The following SEC24B variants were observed in gnomAD, a reference collection of about 807,000 sequenced individuals.
SEC24B encodes the protein protein transport protein Sec24B.
In SEC24B, 45 loss-of-function variants were observed where a neutral mutation model predicts 142.8. The observed-to-expected ratio is 0.32, with a 90% CI of 0.25 to 0.40. SEC24B has a LOEUF of 0.40. Ranked by LOEUF, SEC24B falls within the 10% of genes least tolerant of loss-of-function variation. The probability of loss-of-function intolerance (pLI) is 1.00; values close to 1 mark genes in which losing one functional copy is unlikely to be tolerated. For missense variants in SEC24B, 1,409 were observed against 1,526.8 expected (o/e 0.92, Z 1.29); for synonymous variants, 574 against 568.2 (o/e 1.01, Z -0.15).
intron 2 of SEC24B, among the ~76,000 whole-genome samples, chr4:109,469,421 A>G (rs984591446): frequency 3.9e-5 from 6 of 152,350 alleles, no homozygotes; most frequent in Non-Finnish European, 7.3e-5. Flanking sequence ...TGCTATCCTC[A>G]TAAAGTTTGC....
rs540284205 is a variant in SEC24B, at chr4:109,465,235, G to T, written c.877+1591G>T. On this transcript the variant is annotated intron_variant, in intron 2 of 23. Coordinates refer to ENST00000265175, the MANE Select transcript of SEC24B (RefSeq NM_006323.5). The stretch of plus-strand genomic sequence containing the variant: ...ACTGACTTGGGTGAGTCAACTCAAA[G>T]TGTCTGTCACAGTTCCGAAATCTGG... Among the ~76,000 whole-genome samples, 3 of 152,310 alleles carry T rather than the reference G, an allele frequency of 2.0e-5. No individual in the cohort carries two copies. The South Asian group carries it at 6.2e-4, about 32-fold the overall frequency.
rs950744561 is a variant in SEC24B, at chr4:109,520,459, A to C, written c.2220A>C (p.Gln740His). The change falls in exon 12 of 24, where the codon CAA becomes CAC. Residue 740 changes from glutamine to histidine, a missense_variant. Physicochemically the swap from Gln to His is conservative, Grantham distance 24 (BLOSUM62 0). This residue lies in a region of SEC24B where 700 missense variants were observed against 853.3 expected (regional missense o/e 0.82). Transcript: ENST00000265175. ...TACAAGAAGGATTATCACAGCCTCA[A>C]ATGTTGATTGTGTCTGATATAGATG... is the stretch of plus-strand genomic sequence containing the variant. ...YNLQEGLSQP[Q>H]MLIVSDIDDV... 1 of 1,605,600 alleles carries C rather than the reference A, an allele frequency of 6.2e-7. No individual in the cohort carries two copies. The highest frequency in any genetic ancestry group is 8.5e-7 in the Non-Finnish European group (1 of 1,172,486).
In SEC24B at chr4:109,481,775, G is replaced by A; in HGVS notation, c.1159G>A (p.Glu387Lys). The change falls in exon 4 of 24, where the codon GAA becomes AAA. Residue 387 changes from glutamate to lysine, a missense_variant. Around this residue, in one of 2 missense-constraint regions of SEC24B, gnomAD observed 709 missense variants for 673.5 expected, o/e 1.05. Coordinates refer to ENST00000265175, the MANE Select transcript of SEC24B (RefSeq NM_006323.5). ...TGAGGAAGAGGAGGAGGAGGATGAG[G>A]AAGCAGGTCTGCTTTAGCTTTACAC... is the stretch of plus-strand genomic sequence containing the variant. ...DDEEEEEEDE[E>K]AGVDSSSTTS... The A allele has an allele frequency of 1.2e-6, 2 of 1,613,022 alleles. No homozygotes were observed. Among genetic ancestry groups the A allele is most frequent in the Non-Finnish European group, 8.5e-7 (1 of 1,179,152 alleles).
chr4:109,511,857 C>A, intron 8 of SEC24B, 100 bp from the exon 9 acceptor site: 1 of 1,198,584 alleles, frequency 8.3e-7, no homozygotes, highest in Non-Finnish European at 1.2e-6. Flanking sequence ...CACATAAAAA[C>A]AATTAAGGTT....
intron 3 of SEC24B, among the ~76,000 whole-genome samples, chr4:109,480,837 T>C (rs1392615998): frequency 1.3e-5 from 2 of 152,224 alleles, no homozygotes; most frequent in African/African-American, 4.8e-5. Flanking sequence ...ATATGTTAAT[T>C]TTTAAAGTCC....
chr4:109,481,616 A>T, intron 3 of SEC24B, 61 bp from the exon 4 acceptor site: 1 of 1,218,408 alleles, frequency 8.2e-7, no homozygotes. Flanking sequence ...GCAATGTCAA[A>T]TTTTTATTTC....
chr4:109,519,751 A>G (rs1341591739), intron 11 of SEC24B, among the ~76,000 whole-genome samples: 1 of 152,260 alleles, frequency 6.6e-6, no homozygotes, highest in Non-Finnish European at 1.5e-5. Context: ...TCAGTCATCC[A>G]TAGCAGTGAT....
In SEC24B at chr4:109,483,056, T is replaced by TTA. The variant is rs1271937576; in HGVS notation, c.1165+1291_1165+1292dup. The stretch of plus-strand genomic sequence containing the variant: ...TATTTATATATATGTATTTATGTAT[T>TTA]TATATATATATATATATGTATGTAT... On this transcript the variant is annotated intron_variant, in intron 4 of 23. Transcript: ENST00000265175. Among the ~76,000 whole-genome samples the TTA allele has an allele frequency of 2.3e-3, 223 of 97,884 alleles. 2 individuals are homozygous for TTA. The highest frequency in any genetic ancestry group is 8.5e-3 in the Middle Eastern group (2 of 236). 64.2% of individuals were successfully genotyped at this position (97,884 alleles called of 152,430 possible).
chr4:109,437,647 C>T (rs1034038199), intron 1 of SEC24B, among the ~76,000 whole-genome samples: 9 of 152,090 alleles, frequency 5.9e-5, no homozygotes, highest in African/African-American at 1.4e-4. Context: ...TTGTTTGAGA[C>T]GGAGTCTCGC....
At chr4:109,518,037 A>G (rs1295512423) in intron 11 of SEC24B, among the ~76,000 whole-genome samples, 2 of 151,856 alleles carry the variant, frequency 1.3e-5, no homozygotes. Flanking sequence ...GCGCGATCTC[A>G]GCTCACTGCA....
intron 8 of SEC24B, 53 bp downstream of exon 8, chr4:109,510,164 A>C: frequency 2.3e-6 from 2 of 864,314 alleles, no homozygotes; most frequent in Non-Finnish European, 3.5e-6. Context: ...GCTTATGTAC[A>C]AGGTACTTAA....
At chr4:109,475,990 CTTT>C (rs35172512) in intron 3 of SEC24B, among the ~76,000 whole-genome samples, 7 of 134,664 alleles carry the variant, frequency 5.2e-5, no homozygotes, top group East Asian at 2.1e-4. Flanking sequence ...TTCTCTCTCT[CTTT>C]TTTTTTTTTT....
intron 7 of SEC24B, among the ~76,000 whole-genome samples, 156 bp from the exon 8 acceptor site, chr4:109,509,853 A>G (rs919636425): frequency 6.6e-6 from 1 of 152,148 alleles, no homozygotes; most frequent in Non-Finnish European, 1.5e-5. Flanking sequence ...TATATTGCAT[A>G]CATGCCTAAT....
At chr4:109,459,222 A>G (rs938201447) in intron 1 of SEC24B, among the ~76,000 whole-genome samples, 5 of 152,192 alleles carry the variant, frequency 3.3e-5, no homozygotes, top group Non-Finnish European at 7.3e-5. Context: ...ATAGGGGGAA[A>G]ACACTGAGGG....
rs1377451172 is a variant in SEC24B at position 109,506,491 on chromosome 4, A to G, written c.1652A>G (p.Lys551Arg). The G allele has an allele frequency of 2.5e-6, 4 of 1,578,378 alleles. No individual in the cohort carries two copies. In the East Asian group the frequency reaches 9.2e-5, roughly 36 times the overall value. ...APVPNLNADL[K>R]KLNCSPDSFR... is the part of the protein sequence containing the mutation. ...GTACCTAACTTGAATGCAGACCTCA[A>G]AAAATTAAACTGTAGCCCAGAGTAG... The change falls in exon 7 of 24, where the codon AAA becomes AGA. Residue 551 changes from lysine to arginine, a missense_variant. Transcript: ENST00000265175.
At chr4:109,505,398 T>C (rs1022046573) in intron 6 of SEC24B, among the ~76,000 whole-genome samples, 2 of 152,092 alleles carry the variant, frequency 1.3e-5, no homozygotes, top group African/African-American at 4.8e-5. Context: ...GTTATAAATG[T>C]ATATTATAGG....
intron 2 of SEC24B, among the ~76,000 whole-genome samples, chr4:109,470,664 T>C (rs1241987204): frequency 6.6e-6 from 1 of 152,210 alleles, no homozygotes; most frequent in Non-Finnish European, 1.5e-5. Context: ...TATTCATAGT[T>C]GCACTGTTTG....
At chr4:109,472,170 C>T (rs1413350405) in intron 2 of SEC24B, among the ~76,000 whole-genome samples, 1 of 152,174 alleles carries the variant, frequency 6.6e-6, no homozygotes, top group Non-Finnish European at 1.5e-5. Context: ...TATATACACA[C>T]ACACTATACA....
chr4:109,499,030 A>C (rs1735830539), intron 6 of SEC24B, among the ~76,000 whole-genome samples: 1 of 152,176 alleles, frequency 6.6e-6, no homozygotes, highest in African/African-American at 2.4e-5. Flanking sequence ...ATTTAGTGAG[A>C]TCAATTAGAG....
Sources: gnomAD v4.1 joint callset for allele counts (sites outside exome capture counted in the v4.1 genomes callset) on GRCh38, gnomAD v4.1.1 for gene constraint, gnomAD v4.1.1 regional missense constraint, MANE v1.5 for transcripts, NCBI Gene and HGNC (gene_info 2026-07-23, HGNC 2026-07-21) for gene names.